EFCAB5: variants seen among roughly 807,000 people sequenced by gnomAD.
EFCAB5 encodes the protein EF-hand calcium binding domain 5.
In EFCAB5, 131 loss-of-function variants were observed where a neutral mutation model predicts 167.9. The ratio of observed to expected loss-of-function variants is 0.78; its 90% confidence interval spans 0.68 to 0.90. The LOEUF (loss-of-function observed/expected upper bound fraction) is 0.90, where lower values mean the gene tolerates loss of function less well. Among genes scored for constraint, EFCAB5 ranks in the 40% least tolerant of loss-of-function variants. The pLI, the probability that EFCAB5 is intolerant of heterozygous loss-of-function variation, is 0.00. For missense variants in EFCAB5, 1,663 were observed against 1,745.2 expected (o/e 0.95, Z 0.84); for synonymous variants, 574 against 602.8 (o/e 0.95, Z 0.70).
intron 4 of EFCAB5, chr17:29,972,639 C>A: frequency 6.3e-6 from 1 of 158,072 alleles, no homozygotes; most frequent in South Asian, 1.8e-4. Flanking sequence ...TCATTGGAGC[C>A]AGTTGGGGTC....
Position 30,090,578 on chromosome 17 carries a change from T to A in EFCAB5, c.3841T>A (p.Tyr1281Asn). The change falls in exon 20 of 23, where the codon TAT becomes AAT. Residue 1281 changes from tyrosine (Y) to asparagine (N), a missense_variant. Transcript: ENST00000394835. ...GQNRMLLCQEYKDLQKMMKVV... is the reference protein window; with the variant it reads ...GQNRMLLCQENKDLQKMMKVV... The stretch of plus-strand genomic sequence containing the variant: ...AAATAGGATGTTGTTGTGTCAAGAA[T>A]ATAAAGATCTACAGAAAATGATGAA... 3.7e-6 allele frequency: 6 copies of A among 1,613,970 alleles called. No homozygotes were observed. Among genetic ancestry groups the A allele is most frequent in the Non-Finnish European group, 5.1e-6 (6 of 1,179,880 alleles).
chr17:30,092,739 T>G (rs1468595948), intron 21 of EFCAB5, 101 bp from the exon 22 acceptor site: 1 of 777,274 alleles, frequency 1.3e-6, no homozygotes, highest in Non-Finnish European at 2.0e-6. Context: ...TTTTGCCTAT[T>G]TTAAAATCTA....
At chr17:30,096,983 T>TATATAC (rs71138872) in intron 22 of EFCAB5, among the ~76,000 whole-genome samples, 2,736 of 103,712 alleles carry the variant, frequency 0.026, 100 homozygotes, top group African/African-American at 0.028. Context: ...CGGTCACAAT[T>TATATAC]ATATACATAT....
At chr17:30,013,751 C>T (rs139366174) in intron 7 of EFCAB5, among the ~76,000 whole-genome samples, 5 of 152,258 alleles carry the variant, frequency 3.3e-5, no homozygotes, top group African/African-American at 1.2e-4. Context: ...TTCAAAAAAC[C>T]AGCTCCTGGA....
intron 22 of EFCAB5, among the ~76,000 whole-genome samples, chr17:30,099,460 GA>G (rs1397602075): frequency 1.3e-5 from 2 of 152,016 alleles, no homozygotes; most frequent in African/African-American, 4.8e-5. Flanking sequence ...TTGCTGTTAA[GA>G]AGTCTGAAGC....
At chr17:30,082,690 C>A (rs1031023006) in intron 17 of EFCAB5, among the ~76,000 whole-genome samples, 6 of 152,100 alleles carry the variant, frequency 3.9e-5, no homozygotes, top group Non-Finnish European at 8.8e-5. Context: ...TGGCACCTGG[C>A]CTATAACTTT....
chr17:30,079,197 T>C (rs2070931843), intron 15 of EFCAB5, among the ~76,000 whole-genome samples: 1 of 152,180 alleles, frequency 6.6e-6, no homozygotes, highest in African/African-American at 2.4e-5. Context: ...ATGGCCGAAT[T>C]TTCCAGTGTA....
At chr17:29,966,388 T>C (rs532971763) in intron 3 of EFCAB5, among the ~76,000 whole-genome samples, 1 of 152,294 alleles carries the variant, frequency 6.6e-6, no homozygotes, top group East Asian at 1.9e-4. Flanking sequence ...CCTAGCACTT[T>C]GGGAGGCCAA....
At chr17:30,093,827 T>C (rs948865031) in intron 22 of EFCAB5, among the ~76,000 whole-genome samples, 14 of 152,260 alleles carry the variant, frequency 9.2e-5, no homozygotes, top group African/African-American at 3.4e-4. Context: ...AGTTCGTAGG[T>C]CACCCAGATA....
At chr17:29,990,484 AT>A (rs1382623180) in intron 4 of EFCAB5, among the ~76,000 whole-genome samples, 1 of 152,108 alleles carries the variant, frequency 6.6e-6, no homozygotes, top group African/African-American at 2.4e-5. Flanking sequence ...AACAATTTGA[AT>A]TTCCCCATTG....
intron 17 of EFCAB5, 138 bp from the exon 18 acceptor site, chr17:30,082,753 G>A (rs1014088516): frequency 2.2e-6 from 2 of 916,658 alleles, no homozygotes; most frequent in African/African-American, 3.4e-5. Context: ...ACTGCCCTTT[G>A]AGGACTGCTG....
intron 7 of EFCAB5, among the ~76,000 whole-genome samples, chr17:30,016,090 T>C (rs2069033899): frequency 6.6e-6 from 1 of 152,222 alleles, no homozygotes; most frequent in South Asian, 2.1e-4. Flanking sequence ...TTTTTATTAT[T>C]GGATCATAAC....
At chr17:30,058,968 G>C (rs1423755038) in intron 13 of EFCAB5, 3 of 149,792 alleles carry the variant, frequency 2.0e-5, no homozygotes, top group Non-Finnish European at 4.4e-5. Flanking sequence ...AGATTCTTAA[G>C]GTTTGTAGAA....
At chr17:30,078,033 G>T (rs1409169574) in intron 14 of EFCAB5, among the ~76,000 whole-genome samples, 182 bp from the exon 15 acceptor site, 4 of 152,164 alleles carry the variant, frequency 2.6e-5, no homozygotes, top group African/African-American at 4.8e-5. Flanking sequence ...GAGTCATATT[G>T]AGTTCAACAT....
At chr17:30,043,374 A>G (rs1359410340) in intron 8 of EFCAB5, among the ~76,000 whole-genome samples, 1 of 152,188 alleles carries the variant, frequency 6.6e-6, no homozygotes, top group Admixed American at 6.5e-5. Context: ...CTTTTATTTT[A>G]CATTGTACTG....
intron 6 of EFCAB5, among the ~76,000 whole-genome samples, chr17:29,996,818 C>G (rs994874408): frequency 6.6e-6 from 1 of 152,146 alleles, no homozygotes; most frequent in Admixed American, 6.5e-5. Context: ...AGTCTTATAT[C>G]CTACACCTTC....
In EFCAB5 at chr17:30,057,807, T is replaced by C. The variant is rs2070315265; in HGVS notation, c.2497T>C (p.Leu833=). The C allele has an allele frequency of 1.2e-6, 2 of 1,613,728 alleles. No individual in the cohort carries two copies. Among genetic ancestry groups the C allele is most frequent in the Non-Finnish European group, 8.5e-7 (1 of 1,179,804 alleles). The change falls in exon 13 of 23, where the codon TTG becomes CTG. Residue 833 remains leucine, a synonymous_variant. Transcript: ENST00000394835. ...LETFVGEDAP[L]SVSETLTSFF... ...GACATTTGTTGGTGAAGACGCTCCCTTGAGTGTCAGCGAGACTCTCACCTC... is the reference window on the plus strand; with the variant it reads ...GACATTTGTTGGTGAAGACGCTCCCCTGAGTGTCAGCGAGACTCTCACCTC...
upstream of EFCAB5, among the ~76,000 whole-genome samples, chr17:29,939,527 T>C (rs2067272100): frequency 6.6e-6 from 1 of 152,228 alleles, no homozygotes; most frequent in African/African-American, 2.4e-5. Flanking sequence ...GGCTGTTTAG[T>C]CTGCATGGAA....
chr17:30,078,205 T>C lies in EFCAB5; in HGVS notation c.2738-10T>C. 1.3e-6 allele frequency: 2 copies of C among 1,599,742 alleles called. No individual in the cohort carries two copies. Among genetic ancestry groups the C allele is most frequent in the South Asian group, 2.2e-5 (2 of 89,634 alleles). Reference sequence around the variant, plus strand: ...TGGTTAGTTCTTGGTTTCGTGTTTGTGTCTTTTAGCTAAACTACACATCCA... The same window carrying C: ...TGGTTAGTTCTTGGTTTCGTGTTTGCGTCTTTTAGCTAAACTACACATCCA... On this transcript the variant is annotated splice_polypyrimidine_tract_variant and intron_variant, in intron 14 of 22. Coordinates refer to ENST00000394835, the MANE Select transcript of EFCAB5 (RefSeq NM_198529.4).
Sources: allele counts gnomAD v4.1 joint callset (sites outside exome capture counted in the v4.1 genomes callset), GRCh38; gene constraint gnomAD v4.1.1; transcripts MANE v1.5; gene names NCBI Gene and HGNC (gene_info 2026-07-23, HGNC 2026-07-21).